The following CREB5 variants were observed in gnomAD, a reference collection of about 807,000 sequenced individuals.
The protein encoded by CREB5 is cyclic AMP-responsive element-binding protein 5.
Under a neutral mutation model 57.1 loss-of-function variants are expected in CREB5, and 19 were observed. The observed-to-expected ratio is 0.33, with a 90% confidence interval of 0.23 to 0.49. The LOEUF is 0.49. Ranked by LOEUF, CREB5 falls within the 20% of genes least tolerant of loss-of-function variation. The pLI is 0.99. For synonymous variants in CREB5, 238 were observed against 238.3 expected, an observed-to-expected ratio of 1.00 and a Z score of 0.01; for missense variants, 579 against 671.6, an observed-to-expected ratio of 0.86 and a Z score of 1.52.
chr7:28,730,349 A>G (rs555143809), intron 7 of CREB5, among the ~76,000 whole-genome samples: 4 of 130,100 alleles, frequency 3.1e-5, no homozygotes, highest in East Asian at 3.9e-4. Flanking sequence ...CACCACACCC[A>G]GATAATTTTT....
chr7:28,330,692 C>A (rs897529652), intron 1 of CREB5, among the ~76,000 whole-genome samples: 1 of 151,468 alleles, frequency 6.6e-6, no homozygotes, highest in African/African-American at 2.4e-5. Context: ...AAAGCAGCAG[C>A]ACAAATTTTT....
At chr7:28,789,099 TG>T (rs1361216530) in intron 7 of CREB5, among the ~76,000 whole-genome samples, 4 of 152,186 alleles carry the variant, frequency 2.6e-5, no homozygotes, top group African/African-American at 9.7e-5. Context: ...GCATTTGAAA[TG>T]TTTCACTCAG....
At chr7:28,681,905 A>G (rs951542130) in intron 5 of CREB5, among the ~76,000 whole-genome samples, 1 of 152,224 alleles carries the variant, frequency 6.6e-6, no homozygotes, top group African/African-American at 2.4e-5. Flanking sequence ...CATTTTAAGA[A>G]GTTAGAGAAA....
In CREB5 at chr7:28,560,941, CGT is replaced by C. The variant is rs1301747861; in HGVS notation, c.292-9416_292-9415del. Among the ~76,000 whole-genome samples, 200 of 44,638 alleles carry C rather than the reference CGT, an allele frequency of 4.5e-3. 15 individuals are homozygous for C. In the Middle Eastern group the frequency reaches 0.047, roughly 10 times the overall value. The allele number at this position is 44,638 out of a possible 152,430, so 29.3% of individuals were successfully genotyped here. ...GTGTGTGCGCGTGCGTGTGTGCGTG[CGT>C]GTGTGTGCGTGTGTGTGCGTGTGTG... On this transcript the variant is annotated intron_variant, in intron 4 of 10. Transcript: ENST00000357727.
chr7:28,657,422 T>C (rs1799373627), intron 5 of CREB5, among the ~76,000 whole-genome samples: 2 of 152,262 alleles, frequency 1.3e-5, no homozygotes, highest in South Asian at 2.1e-4. Context: ...CATATCCCCT[T>C]GGCCTACACT....
In CREB5 at chr7:28,480,024, CT is replaced by C. The variant is rs1466019013; in HGVS notation, c.4-8150del. Among the ~76,000 whole-genome samples the C allele has an allele frequency of 5.8e-3, 363 of 62,624 alleles. 1 individual carries two copies. The highest frequency in any genetic ancestry group is 0.029 in the African/African-American group (345 of 11,906). The allele number at this position is 62,624 out of a possible 152,430, so 41.1% of individuals were successfully genotyped here. On this transcript the variant is annotated intron_variant, in intron 1 of 10. Coordinates refer to ENST00000357727, the MANE Select transcript of CREB5 (RefSeq NM_182898.4). ...CTTATCTAGAATAAAAATCCAAAAC[CT>C]CCCCCCCCCCACATTATCCAATAAA...
intron 5 of CREB5, among the ~76,000 whole-genome samples, chr7:28,685,370 CG>C (rs1416499515): frequency 6.6e-6 from 1 of 152,140 alleles, no homozygotes; most frequent in Non-Finnish European, 1.5e-5. Context: ...GCTCCAGACA[CG>C]GGCACGTGTT....
At chr7:28,429,816 T>G (rs572118080) in intron 1 of CREB5, among the ~76,000 whole-genome samples, 1 of 152,176 alleles carries the variant, frequency 6.6e-6, no homozygotes, top group Non-Finnish European at 1.5e-5. Context: ...CCTATTACTT[T>G]CTAGTTGTGA....
chr7:28,767,018 T>G (rs1806041224), intron 7 of CREB5, among the ~76,000 whole-genome samples: 1 of 152,226 alleles, frequency 6.6e-6, no homozygotes, highest in Admixed American at 6.5e-5. Flanking sequence ...AAGTTCTGCT[T>G]CTTTTGTTTG....
chr7:28,614,584 A>C (rs887891231), intron 5 of CREB5, among the ~76,000 whole-genome samples: 1 of 152,172 alleles, frequency 6.6e-6, no homozygotes, highest in Non-Finnish European at 1.5e-5. Context: ...AGCCCCTTGC[A>C]CTTCCAAAAA....
At chr7:28,742,872 T>A (rs1039778937) in intron 7 of CREB5, among the ~76,000 whole-genome samples, 8 of 152,148 alleles carry the variant, frequency 5.3e-5, no homozygotes, top group African/African-American at 1.7e-4. Context: ...AACCTCTACC[T>A]TCCAGATTCA....
chr7:28,818,974 A>T, intron 10 of CREB5, 142 bp from the exon 11 acceptor site: 1 of 996,962 alleles, frequency 1.0e-6, no homozygotes, highest in Non-Finnish European at 1.5e-6. Context: ...TTTTGAAATT[A>T]ACTTTCAGAA....
chr7:28,330,378 T>C (rs542027144), intron 1 of CREB5, among the ~76,000 whole-genome samples: 3 of 151,272 alleles, frequency 2.0e-5, no homozygotes, highest in East Asian at 3.9e-4. Context: ...TTCTGTCTTT[T>C]AGCTTGTGCT....
intron 1 of CREB5, among the ~76,000 whole-genome samples, chr7:28,390,149 G>T (rs1787188450): frequency 6.6e-6 from 1 of 151,350 alleles, no homozygotes; most frequent in Non-Finnish European, 1.5e-5. Flanking sequence ...TCGCTTATTT[G>T]TCTTTTGTAT....
chr7:28,584,019 A>G (rs1436680964), intron 5 of CREB5, among the ~76,000 whole-genome samples: 2 of 152,012 alleles, frequency 1.3e-5, no homozygotes, highest in Non-Finnish European at 2.9e-5. Context: ...TCCACTTTTT[A>G]GTTTAGTCTG....
intron 7 of CREB5, among the ~76,000 whole-genome samples, chr7:28,798,645 C>T (rs981154714): frequency 1.3e-5 from 2 of 152,170 alleles, no homozygotes; most frequent in Admixed American, 1.3e-4. Context: ...TGAGAAAATA[C>T]ATGGACCAAA....
At chr7:28,651,661 A>C (rs1014912363) in intron 5 of CREB5, among the ~76,000 whole-genome samples, 2 of 152,214 alleles carry the variant, frequency 1.3e-5, no homozygotes, top group African/African-American at 4.8e-5. Context: ...CGGGCACTTG[A>C]TACCAACATG....
chr7:28,312,844 G>T (rs1583663576), intron 1 of CREB5, among the ~76,000 whole-genome samples: 1 of 152,156 alleles, frequency 6.6e-6, no homozygotes, highest in Non-Finnish European at 1.5e-5. Flanking sequence ...AACTCATAGT[G>T]TTGCCAGTGG....
intron 4 of CREB5, among the ~76,000 whole-genome samples, chr7:28,539,589 T>C (rs1185408812): frequency 6.6e-6 from 1 of 152,206 alleles, no homozygotes; most frequent in Non-Finnish European, 1.5e-5. Flanking sequence ...AAGTAATAGT[T>C]TTGCAATTAA....
Sources: gnomAD v4.1 joint callset for allele counts (sites outside exome capture counted in the v4.1 genomes callset) on GRCh38, gnomAD v4.1.1 for gene constraint, MANE v1.5 for transcripts, NCBI Gene and HGNC (gene_info 2026-07-23, HGNC 2026-07-21) for gene names.